The following STRN variants were observed in gnomAD, a reference collection of about 807,000 sequenced individuals.
The protein encoded by STRN is striatin, also known as protein phosphatase 2 regulatory subunit B'''alpha.
STRN carries 53 observed loss-of-function variants against 96.3 expected under a neutral mutation model. That is an observed-to-expected ratio of 0.55 (90% CI 0.44 to 0.69). The LOEUF is 0.69. Ranked by LOEUF, STRN falls within the 30% of genes least tolerant of loss-of-function variation. The pLI is 0.00. For synonymous variants in STRN, 428 were observed against 355.9 expected (o/e 1.20, Z -2.28); for missense variants, 987 against 963.9 (o/e 1.02, Z -0.32).
intron 12 of STRN, among the ~76,000 whole-genome samples, chr2:36,866,746 T>A (rs1668639329): frequency 6.6e-6 from 1 of 152,202 alleles, no homozygotes; most frequent in South Asian, 2.1e-4. Context: ...AGTTAAGAAT[T>A]TTCTTGAATT....
intron 2 of STRN, among the ~76,000 whole-genome samples, chr2:36,916,404 A>G (rs1670100785): frequency 6.6e-6 from 1 of 152,250 alleles, no homozygotes; most frequent in Non-Finnish European, 1.5e-5. Context: ...TTCTTTCTGT[A>G]ATAACAAAAT....
intron 3 of STRN, among the ~76,000 whole-genome samples, chr2:36,914,691 T>A (rs1197298654): frequency 1.3e-5 from 2 of 152,144 alleles, no homozygotes; most frequent in East Asian, 3.9e-4. Flanking sequence ...TCATACACTG[T>A]CAAATACAGA....
chr2:36,950,682 G>A (rs1311313576), intron 1 of STRN, among the ~76,000 whole-genome samples: 1 of 152,158 alleles, frequency 6.6e-6, no homozygotes, highest in African/African-American at 2.4e-5. Context: ...TTCAGGAAGT[G>A]TCTAATGCCC....
chr2:36,875,916 C>T (rs903914375), intron 10 of STRN, among the ~76,000 whole-genome samples: 4 of 152,232 alleles, frequency 2.6e-5, no homozygotes, highest in Admixed American at 6.5e-5. Flanking sequence ...CTCGGCCTCC[C>T]AAAGTGCTGG....
rs1190980538 is a variant in STRN at position 36,902,638 on chromosome 2, T to C, written c.605A>G (p.Gln202Arg). ...CTCTGTGCCATTTACAACTGAGTCC[T>C]GATTTTTGTCATCTTCCCTGTCCGT... ...DVTDREDDKN[Q>R]DSVVNGTEAE... The change falls in exon 5 of 18, where the codon CAG becomes CGG. Residue 202 changes from glutamine (Q) to arginine (R), a missense_variant. Coordinates refer to ENST00000263918, the MANE Select transcript of STRN (RefSeq NM_003162.4). 6.2e-7 allele frequency: 1 copy of C among 1,612,190 alleles called. No individual in the cohort carries two copies. Among genetic ancestry groups the C allele is most frequent in the Non-Finnish European group, 8.5e-7 (1 of 1,178,640 alleles).
intron 6 of STRN, among the ~76,000 whole-genome samples, chr2:36,898,638 C>T (rs1267104336): frequency 6.6e-6 from 1 of 152,154 alleles, no homozygotes; most frequent in Non-Finnish European, 1.5e-5. Flanking sequence ...TATAACAATC[C>T]TCATTTTACA....
At chr2:36,891,204 A>AGTT (rs1402231543) in intron 7 of STRN, among the ~76,000 whole-genome samples, 1 of 152,216 alleles carries the variant, frequency 6.6e-6, no homozygotes, top group Non-Finnish European at 1.5e-5. Flanking sequence ...AACTTACTTT[A>AGTT]ACACCTCAAC....
intron 1 of STRN, among the ~76,000 whole-genome samples, chr2:36,952,375 T>C (rs191119954): frequency 6.7e-6 from 1 of 149,338 alleles, no homozygotes; most frequent in Admixed American, 6.8e-5. Context: ...TCTTGAAAGA[T>C]GATTAGAAAT....
At chr2:36,922,875 G>A (rs577159182) in intron 2 of STRN, among the ~76,000 whole-genome samples, 38 of 152,282 alleles carry the variant, frequency 2.5e-4, no homozygotes, top group South Asian at 8.3e-4. Context: ...CGGGCCGCAC[G>A]CGGTGGCTCA....
At position 36,842,100 on chromosome 2, in the gene STRN, T is replaced by A. The variant is rs1572613371; in HGVS notation, c.*7356A>T. On this transcript the variant is annotated 3_prime_UTR_variant, in exon 18 of 18. Transcript: ENST00000263918. Reference sequence around the variant, plus strand: ...CCATTTCCAAAGGGAAGTAGTTGGATGCCAGCATACTTTAACATTTCGGCA... The same window carrying A: ...CCATTTCCAAAGGGAAGTAGTTGGAAGCCAGCATACTTTAACATTTCGGCA... 1.3e-5 allele frequency: 2 copies of A among 152,244 alleles called. No individual in the cohort carries two copies. The highest frequency in any genetic ancestry group is 2.9e-5 in the Non-Finnish European group (2 of 68,042). 9.4% of individuals were successfully genotyped at this position (152,244 alleles called of 1,614,324 possible).
chr2:36,854,196 A>T (rs1225324539), intron 15 of STRN, among the ~76,000 whole-genome samples: 1 of 152,238 alleles, frequency 6.6e-6, no homozygotes, highest in East Asian at 1.9e-4. Flanking sequence ...CTAATTTCAT[A>T]TTAGTTTTTT....
At chr2:36,936,836 T>C (rs1422259437) in intron 1 of STRN, among the ~76,000 whole-genome samples, 1 of 152,218 alleles carries the variant, frequency 6.6e-6, no homozygotes, top group Non-Finnish European at 1.5e-5. Context: ...ACATCAACTA[T>C]CACAACTCAC....
rs374204512 is a variant in STRN, at chr2:36,900,695, C to T, written c.660-1037G>A. Among the ~76,000 whole-genome samples the T allele has an allele frequency of 9.9e-5, 15 of 152,218 alleles. No individual in the cohort carries two copies. The South Asian group carries it at 3.1e-3, about 32-fold the overall frequency. ...CACGAGGTCAAGAGATTGAGACCAT[C>T]CTGGCCAGCCAACATGGTGAAACTC... On this transcript the variant is annotated intron_variant, in intron 5 of 17. Coordinates refer to ENST00000263918, the MANE Select transcript of STRN (RefSeq NM_003162.4).
Position 36,894,119 on chromosome 2 carries a change from GT to G in STRN, c.796-87del. The G allele has an allele frequency of 2.0e-6, 3 of 1,468,210 alleles. No individual in the cohort carries two copies. In the East Asian group the frequency reaches 7.0e-5, roughly 34 times the overall value. 90.9% of individuals were successfully genotyped at this position (1,468,210 alleles called of 1,614,324 possible). A position where few individuals can be genotyped will look rare whatever the true frequency, so the allele number is the denominator to read the frequency against. ...AAAATTCAATTATTTTCTTCAGAAA[GT>G]ATACGTTTGTTGTGTTAAATAACTG... On this transcript the variant is annotated intron_variant, in intron 6 of 17. Coordinates refer to ENST00000263918, the MANE Select transcript of STRN (RefSeq NM_003162.4).
intron 1 of STRN, among the ~76,000 whole-genome samples, chr2:36,960,973 T>C (rs1294130493): frequency 3.3e-5 from 5 of 152,050 alleles, no homozygotes; most frequent in African/African-American, 1.2e-4. Context: ...CATAACGCAG[T>C]GCAGCCTTGA....
intron 7 of STRN, among the ~76,000 whole-genome samples, chr2:36,887,425 G>C (rs1244382182): frequency 2.0e-5 from 3 of 151,800 alleles, no homozygotes; most frequent in African/African-American, 7.3e-5. Context: ...AGCCGAGATT[G>C]TGCCATTGCA....
At chr2:36,865,039 G>C (rs1668587643) in intron 12 of STRN, among the ~76,000 whole-genome samples, 1 of 152,166 alleles carries the variant, frequency 6.6e-6, no homozygotes, top group Non-Finnish European at 1.5e-5. Context: ...TTCTGGAATA[G>C]TTTTAGTAGG....
chr2:36,942,719 G>A (rs999945321), intron 1 of STRN, among the ~76,000 whole-genome samples: 7 of 151,474 alleles, frequency 4.6e-5, no homozygotes, highest in South Asian at 2.1e-4. Flanking sequence ...TTTTTGAGAC[G>A]GAGTCTTGCT....
At chr2:36,850,439 T>C (rs1668191247) in intron 16 of STRN, among the ~76,000 whole-genome samples, 1 of 152,164 alleles carries the variant, frequency 6.6e-6, no homozygotes, top group African/African-American at 2.4e-5. Flanking sequence ...CAAATCTCCA[T>C]GCACAATTCA....
Sources: allele counts gnomAD v4.1 joint callset (sites outside exome capture counted in the v4.1 genomes callset), GRCh38; gene constraint gnomAD v4.1.1; transcripts MANE v1.5; gene names NCBI Gene and HGNC (gene_info 2026-07-23, HGNC 2026-07-21).